Variants in CCDC122 observed in about 807,000 individuals in gnomAD.
CCDC122 encodes the protein coiled-coil domain-containing protein 122.
A neutral mutation model predicts 37.0 loss-of-function variants in CCDC122; 38 were observed. The observed-to-expected ratio is 1.03, with a 90% confidence interval of 0.79 to 1.35. CCDC122 has a LOEUF of 1.35. CCDC122 is among the 40% of genes most tolerant of loss of function. The pLI, the probability that CCDC122 is intolerant of heterozygous loss-of-function variation, is 0.00. For synonymous variants in CCDC122, 83 were observed against 95.6 expected, an observed-to-expected ratio of 0.87 and a Z score of 0.77; for missense variants, 305 against 310.0, an observed-to-expected ratio of 0.98 and a Z score of 0.12.
At chr13:43,854,350 C>T (rs1451345147) in intron 6 of CCDC122, 2 of 152,164 alleles carry the variant, frequency 1.3e-5, no homozygotes, top group East Asian at 1.9e-4. Flanking sequence ...ATGAACACCC[C>T]TACACACATA....
At position 43,837,396 on chromosome 13, in the gene CCDC122, G is replaced by A. The variant is rs1008428397; in HGVS notation, c.706C>T (p.Arg236Cys). The A allele has an allele frequency of 5.6e-6, 9 of 1,613,782 alleles. No homozygotes were observed. The highest frequency in any genetic ancestry group is 3.3e-5 in the South Asian group (3 of 91,064). ...QHKRYDAILK[R>C]LHCQVNKLQS... is the part of the protein sequence containing the mutation. ...AGCTTGTTCACCTGACAATGCAAACGCTTAAGAATTGCATCATACCTCTTA... is the reference window on the plus strand; with the variant it reads ...AGCTTGTTCACCTGACAATGCAAACACTTAAGAATTGCATCATACCTCTTA... Residue 236 changes from arginine to cysteine, a missense_variant, in exon 7 of 7, where the codon CGT becomes TGT. Physicochemically the swap from Arg to Cys is radical, Grantham distance 180. Coordinates refer to ENST00000444614, the MANE Select transcript of CCDC122 (RefSeq NM_144974.5).
intron 6 of CCDC122, among the ~76,000 whole-genome samples, chr13:43,838,157 T>C (rs1953225309): frequency 6.6e-6 from 1 of 152,190 alleles, no homozygotes; most frequent in Non-Finnish European, 1.5e-5. Flanking sequence ...TCTCTAATCA[T>C]TCTTCTATTA....
At chr13:43,823,106 G>A (rs769421083), downstream of CCDC122, among the ~76,000 whole-genome samples, 1 of 152,046 alleles carries the variant, frequency 6.6e-6, no homozygotes, top group African/African-American at 2.4e-5. Flanking sequence ...GTACTACCTG[G>A]GTACTGCTGT....
Position 43,854,931 on chromosome 13 carries a change from C to G in CCDC122, c.672+3850G>C, listed in dbSNP as rs1000144778. ...CTGTCGATACAATTTAACAACGATT[C>G]ATGTTAAAAACTCTCAATAAACTAA... is the stretch of plus-strand genomic sequence containing the variant. On this transcript the variant is annotated intron_variant, in intron 6 of 6. Transcript: ENST00000444614. 2.6e-5 allele frequency: 4 copies of G among 152,070 alleles called. No homozygotes were observed. In the East Asian group the frequency reaches 7.7e-4, roughly 29 times the overall value. The allele number at this position is 152,070 out of a possible 1,614,324, so 9.4% of individuals were successfully genotyped here.
At chr13:43,851,078 C>T (rs191559422) in intron 6 of CCDC122, among the ~76,000 whole-genome samples, 2 of 151,774 alleles carry the variant, frequency 1.3e-5, no homozygotes, top group East Asian at 1.9e-4. Context: ...AACTGTCAAC[C>T]CAGAATTCTA....
downstream of CCDC122, among the ~76,000 whole-genome samples, chr13:43,820,265 C>T (rs1222663239): frequency 6.6e-6 from 1 of 152,092 alleles, no homozygotes; most frequent in Non-Finnish European, 1.5e-5. Flanking sequence ...ATAGTGACAA[C>T]CTAGTTTTGA....
intron 4 of CCDC122, among the ~76,000 whole-genome samples, chr13:43,862,991 CCCTT>C (rs1242642190): frequency 6.6e-6 from 1 of 151,590 alleles, no homozygotes; most frequent in Non-Finnish European, 1.5e-5. Context: ...CATCCTTTTC[CCCTT>C]CTTCTCTCTC....
chr13:43,825,728 C>G (rs1243578746), intron 3 of CCDC122, among the ~76,000 whole-genome samples: 3 of 139,148 alleles, frequency 2.2e-5, no homozygotes, highest in African/African-American at 8.1e-5. Context: ...TGAGATCACA[C>G]CATTGCACTA....
At chr13:43,822,706 C>T (rs1291723808), downstream of CCDC122, among the ~76,000 whole-genome samples, 18 of 152,198 alleles carry the variant, frequency 1.2e-4, no homozygotes, top group Admixed American at 1.2e-3. Flanking sequence ...AGGAGCCTCT[C>T]CCTGTGGCTG....
intron 6 of CCDC122, among the ~76,000 whole-genome samples, chr13:43,838,305 T>C (rs1049411265): frequency 5.9e-5 from 9 of 152,332 alleles, no homozygotes; most frequent in Admixed American, 5.9e-4. Flanking sequence ...ATACAGTGAT[T>C]CACTGAAACA....
intron 5 of CCDC122, 52 bp from the exon 6 acceptor site, chr13:43,858,949 TA>T: frequency 1.6e-6 from 2 of 1,282,946 alleles, no homozygotes; most frequent in East Asian, 3.1e-5. Flanking sequence ...ATGATCAATA[TA>T]AATCCAATTT....
At chr13:43,874,014 A>T (rs1476536180) in intron 2 of CCDC122, among the ~76,000 whole-genome samples, 1 of 152,200 alleles carries the variant, frequency 6.6e-6, no homozygotes, top group Non-Finnish European at 1.5e-5. Context: ...CATCACAGCC[A>T]ATCTTTCAAT....
intron 4 of CCDC122, among the ~76,000 whole-genome samples, chr13:43,861,435 C>T (rs570529706): frequency 2.0e-4 from 30 of 152,152 alleles, no homozygotes; most frequent in Non-Finnish European, 3.4e-4. Flanking sequence ...TGATCACACT[C>T]CTATGTTCCC....
intron 6 of CCDC122, among the ~76,000 whole-genome samples, chr13:43,845,787 A>C (rs981621216): frequency 2.6e-5 from 4 of 152,156 alleles, no homozygotes; most frequent in Non-Finnish European, 5.9e-5. Context: ...AAGTCCACCA[A>C]CTGTTGTTTA....
At chr13:43,835,744 A>G (rs1390943233), downstream of CCDC122, among the ~76,000 whole-genome samples, 1 of 152,246 alleles carries the variant, frequency 6.6e-6, no homozygotes, top group Non-Finnish European at 1.5e-5. Context: ...TTTATAAGCG[A>G]TAACTACACT....
chr13:43,844,130 TG>T (rs1333031366), intron 6 of CCDC122, among the ~76,000 whole-genome samples: 14 of 152,000 alleles, frequency 9.2e-5, no homozygotes, highest in Non-Finnish European at 1.9e-4. Context: ...CTTAGATAGT[TG>T]ATTTCAAATC....
downstream of CCDC122, among the ~76,000 whole-genome samples, chr13:43,821,839 A>G (rs1480446490): frequency 1.3e-5 from 2 of 152,212 alleles, no homozygotes; most frequent in Non-Finnish European, 2.9e-5. Context: ...ATTCTTTTAA[A>G]TAATTTCAAT....
intron 6 of CCDC122, among the ~76,000 whole-genome samples, chr13:43,837,642 A>G (rs1953212431): frequency 1.8e-5 from 2 of 109,298 alleles, no homozygotes; most frequent in African/African-American, 5.7e-5. Flanking sequence ...GCATATAATT[A>G]AATTCTTATA....
chr13:43,865,844 T>C (rs1954257764), intron 4 of CCDC122, among the ~76,000 whole-genome samples: 2 of 152,204 alleles, frequency 1.3e-5, no homozygotes, highest in African/African-American at 2.4e-5. Context: ...CAGTGTATGA[T>C]TTTTTTCTTT....
Sources: gnomAD v4.1 joint callset for allele counts (sites outside exome capture counted in the v4.1 genomes callset) on GRCh38, gnomAD v4.1.1 for gene constraint, MANE v1.5 for transcripts, NCBI Gene and HGNC (gene_info 2026-07-23, HGNC 2026-07-21) for gene names.